The following LMBRD1 variants were observed in gnomAD, a reference collection of about 807,000 sequenced individuals.
The protein encoded by LMBRD1 is LMBR1 domain containing 1.
In LMBRD1, 64 loss-of-function variants were observed where a neutral mutation model predicts 74.8. That is an observed-to-expected ratio of 0.86 (90% confidence interval 0.70 to 1.05). The LOEUF is 1.05. LMBRD1 is among the 50% of genes least tolerant of loss of function. The pLI, the probability that LMBRD1 is intolerant of heterozygous loss-of-function variation, is 0.00. For missense variants in LMBRD1, 652 were observed against 645.9 expected (o/e 1.01, Z -0.10); for synonymous variants, 204 against 216.3 (o/e 0.94, Z 0.50).
At chr6:69,774,475 T>C (rs1050793283) in intron 3 of LMBRD1, among the ~76,000 whole-genome samples, 3 of 152,246 alleles carry the variant, frequency 2.0e-5, no homozygotes, top group African/African-American at 7.2e-5. Flanking sequence ...ATAGTTTTAA[T>C]TCATTTACCC....
At chr6:69,692,287 T>TCG in intron 14 of LMBRD1, among the ~76,000 whole-genome samples, 1 of 62,892 alleles carries the variant, frequency 1.6e-5, no homozygotes, top group East Asian at 9.3e-4. Flanking sequence ...TCTCTCTCTC[T>TCG]CGCTCTCTCT....
intron 5 of LMBRD1, among the ~76,000 whole-genome samples, chr6:69,747,543 A>C (rs1277800370): frequency 6.6e-6 from 1 of 152,156 alleles, no homozygotes; most frequent in Non-Finnish European, 1.5e-5. Context: ...TCGAATCTCA[A>C]CTCAAATATT....
At chr6:69,734,107 T>G (rs1295266864) in intron 7 of LMBRD1, among the ~76,000 whole-genome samples, 1 of 152,198 alleles carries the variant, frequency 6.6e-6, no homozygotes, top group Non-Finnish European at 1.5e-5. Flanking sequence ...TATTATAATT[T>G]TATTGTTTAT....
chr6:69,741,980 A>C, intron 5 of LMBRD1, 103 bp from the exon 6 acceptor site: 1 of 720,772 alleles, frequency 1.4e-6, no homozygotes. Context: ...AAATAAATAA[A>C]ATCTGTACTA....
chr6:69,737,927 C>A lies in LMBRD1; in HGVS notation c.636+15G>T. 6 of 1,582,090 alleles carry A rather than the reference C, an allele frequency of 3.8e-6. No individual in the cohort carries two copies. The highest frequency in any genetic ancestry group is 5.2e-6 in the Non-Finnish European group (6 of 1,153,108). Reference sequence around the variant, plus strand: ...TATAAGGCAATTTTAACTCAATTATCCCCATTTCACTTACTGTGTAAGTTA... The same window carrying A: ...TATAAGGCAATTTTAACTCAATTATACCCATTTCACTTACTGTGTAAGTTA... On this transcript the variant is annotated intron_variant, in intron 7 of 15. Transcript: ENST00000649934.
intron 8 of LMBRD1, among the ~76,000 whole-genome samples, chr6:69,717,769 A>G (rs1250034603): frequency 1.3e-5 from 2 of 152,126 alleles, no homozygotes; most frequent in Non-Finnish European, 2.9e-5. Context: ...ACGATCATGG[A>G]TCACTGCAGC....
chr6:69,738,152 A>C, intron 6 of LMBRD1, 137 bp from the exon 7 acceptor site: 1 of 609,614 alleles, frequency 1.6e-6, no homozygotes. Flanking sequence ...GTATTCTTGA[A>C]GTGCTAACTC....
intron 14 of LMBRD1, among the ~76,000 whole-genome samples, chr6:69,678,933 A>G (rs1463308787): frequency 6.6e-6 from 1 of 152,004 alleles, no homozygotes; most frequent in Non-Finnish European, 1.5e-5. Flanking sequence ...TGATGTAAAG[A>G]TTTAGATAAT....
In LMBRD1 at chr6:69,738,056, T is replaced by C. The variant is rs183348684; in HGVS notation, c.563-41A>G. ...AACTGTTAAAAATGTACATATATACTACTCAAATCCTTATATTTAGCAAAT... is the reference window on the plus strand; with the variant it reads ...AACTGTTAAAAATGTACATATATACCACTCAAATCCTTATATTTAGCAAAT... On this transcript the variant is annotated intron_variant, in intron 6 of 15. Coordinates refer to ENST00000649934, the MANE Select transcript of LMBRD1 (RefSeq NM_018368.4). 2.0e-3 allele frequency: 2,768 copies of C among 1,372,072 alleles called. 4 individuals are homozygous for C. Among genetic ancestry groups the C allele is most frequent in the Non-Finnish European group, 2.5e-3 (2,394 of 969,706 alleles). 85.0% of individuals were successfully genotyped at this position (1,372,072 alleles called of 1,614,324 possible).
chr6:69,724,456 G>A (rs1393194011), intron 7 of LMBRD1, among the ~76,000 whole-genome samples: 2 of 141,082 alleles, frequency 1.4e-5, no homozygotes, highest in Admixed American at 1.4e-4. Context: ...CATTCATTAT[G>A]ACCAAGTGGG....
intron 9 of LMBRD1, chr6:69,705,320 A>T (rs999106174): frequency 1.2e-5 from 9 of 756,460 alleles, no homozygotes; most frequent in Middle Eastern, 7.3e-4. Flanking sequence ...AGAGATCTTG[A>T]ATAGCCTCCT....
chr6:69,711,908 T>C (rs1766391509), intron 9 of LMBRD1, among the ~76,000 whole-genome samples: 3 of 151,846 alleles, frequency 2.0e-5, no homozygotes, highest in Non-Finnish European at 2.9e-5. Context: ...GTCATGGGGG[T>C]TGTTGTACAG....
intron 3 of LMBRD1, among the ~76,000 whole-genome samples, chr6:69,778,585 C>CATAT (rs1202352171): frequency 6.6e-6 from 1 of 152,118 alleles, no homozygotes; most frequent in African/African-American, 2.4e-5. Context: ...TGGCTTATCT[C>CATAT]AACATATGTT....
intron 1 of LMBRD1, among the ~76,000 whole-genome samples, chr6:69,792,154 CGTGT>C (rs1206038273): frequency 6.6e-6 from 1 of 152,208 alleles, no homozygotes; most frequent in African/African-American, 2.4e-5. Flanking sequence ...CAAACCTCAC[CGTGT>C]GTCTCTCTCT....
chr6:69,770,736 T>C (rs192080671), intron 3 of LMBRD1, among the ~76,000 whole-genome samples: 48 of 152,306 alleles, frequency 3.2e-4, no homozygotes, highest in Non-Finnish European at 7.4e-5. Context: ...ATTCCTGCCC[T>C]AGCACAGTAT....
chr6:69,796,357 G>C (rs1766229751), intron 1 of LMBRD1, among the ~76,000 whole-genome samples: 1 of 152,168 alleles, frequency 6.6e-6, no homozygotes. Flanking sequence ...CAAGGGTAGG[G>C]AAAATGAGGG....
At chr6:69,684,559 G>T (rs1050351394) in intron 14 of LMBRD1, among the ~76,000 whole-genome samples, 1 of 151,900 alleles carries the variant, frequency 6.6e-6, no homozygotes, top group Non-Finnish European at 1.5e-5. Context: ...TAATTGTGAG[G>T]ACAGAATACT....
intron 3 of LMBRD1, among the ~76,000 whole-genome samples, chr6:69,764,752 C>T (rs116988680): frequency 0.021 from 3,185 of 151,932 alleles, 40 homozygotes; most frequent in Non-Finnish European, 0.031. Flanking sequence ...ATATGTTTGG[C>T]TTGTCTGTGG....
At chr6:69,753,919 C>T (rs991463935) in intron 3 of LMBRD1, among the ~76,000 whole-genome samples, 5 of 146,082 alleles carry the variant, frequency 3.4e-5, no homozygotes, top group South Asian at 4.3e-4. Flanking sequence ...CCAGCCTGGG[C>T]GAGAGAGAGA....
Sources: gnomAD v4.1 joint callset for allele counts (sites outside exome capture counted in the v4.1 genomes callset) on GRCh38, gnomAD v4.1.1 for gene constraint, MANE v1.5 for transcripts, NCBI Gene and HGNC (gene_info 2026-07-23, HGNC 2026-07-21) for gene names.